The following MYO16 variants were observed in gnomAD, a reference collection of about 807,000 sequenced individuals.
The protein encoded by MYO16 is myosin XVI.
A neutral mutation model predicts 205.3 loss-of-function variants in MYO16; 94 were observed. That is an observed-to-expected ratio of 0.46 (90% confidence interval 0.39 to 0.54). The LOEUF is 0.54. Ranked by LOEUF, MYO16 falls within the 20% of genes least tolerant of loss-of-function variation. The probability of loss-of-function intolerance (pLI) is 0.00; values close to 1 mark genes in which losing one functional copy is unlikely to be tolerated. For missense variants in MYO16, 2,315 were observed against 2,387.5 expected, an observed-to-expected ratio of 0.97 and a Z score of 0.63; for synonymous variants, 988 against 954.0, an observed-to-expected ratio of 1.04 and a Z score of -0.66.
At position 109,179,753 on chromosome 13, in the gene MYO16, C is replaced by T. The variant is rs1879377399; in HGVS notation, c.5415+120C>T. The stretch of plus-strand genomic sequence containing the variant: ...GACTGGAGGGCTCAGCTGTTCTCAC[C>T]TCTGCCCTGCACTCCTTCAGCTGAA... On this transcript the variant is annotated intron_variant, in intron 34 of 34. Transcript: ENST00000457511. 2.2e-5 allele frequency: 16 copies of T among 722,624 alleles called. No homozygotes were observed. In the South Asian group the frequency reaches 2.4e-4, roughly 11 times the overall value. The allele number at this position is 722,624 out of a possible 1,614,324, so 44.8% of individuals were successfully genotyped here. A position where few individuals can be genotyped will look rare whatever the true frequency, so the allele number is the denominator to read the frequency against.
At chr13:109,131,516 C>T (rs968069019) in intron 31 of MYO16, among the ~76,000 whole-genome samples, 1 of 152,124 alleles carries the variant, frequency 6.6e-6, no homozygotes, top group South Asian at 2.1e-4. Flanking sequence ...TACCAGCAAG[C>T]TAGAGACAAC....
intron 4 of MYO16, among the ~76,000 whole-genome samples, chr13:108,731,073 G>A (rs1216739548): frequency 2.0e-5 from 3 of 152,080 alleles, no homozygotes; most frequent in Non-Finnish European, 2.9e-5. Context: ...TTAATGGCCA[G>A]TTGCCTTTAA....
intron 20 of MYO16, among the ~76,000 whole-genome samples, chr13:108,970,003 A>C (rs955176716): frequency 4.6e-5 from 7 of 152,216 alleles, no homozygotes; most frequent in Non-Finnish European, 1.5e-5. Context: ...TAATATTGAA[A>C]GGCTTCCATT....
chr13:109,132,660 T>G (rs1313879401), intron 31 of MYO16, among the ~76,000 whole-genome samples: 1 of 152,244 alleles, frequency 6.6e-6, no homozygotes, highest in Non-Finnish European at 1.5e-5. Flanking sequence ...TAGATTTGTC[T>G]GCATATTTTT....
intron 33 of MYO16, among the ~76,000 whole-genome samples, chr13:109,176,591 A>AAAAAAAAAAAAAC (rs1879196153): frequency 6.7e-6 from 1 of 148,448 alleles, no homozygotes; most frequent in East Asian, 2.0e-4. Flanking sequence ...AAAAAAAAAA[A>AAAAAAAAAAAAAC]AAAAAAAAAA....
chr13:108,747,288 C>T (rs1055876893), intron 4 of MYO16, among the ~76,000 whole-genome samples: 16 of 149,450 alleles, frequency 1.1e-4, no homozygotes, highest in African/African-American at 2.4e-5. Flanking sequence ...TTTTCTTATT[C>T]GAAATTCATC....
intron 20 of MYO16, among the ~76,000 whole-genome samples, chr13:108,982,340 A>G (rs1413802387): frequency 2.6e-5 from 4 of 152,246 alleles, no homozygotes; most frequent in Non-Finnish European, 5.9e-5. Context: ...ATAGCATCAT[A>G]TTATCTACTT....
At chr13:109,158,642 T>C (rs752470102) in intron 32 of MYO16, among the ~76,000 whole-genome samples, 6 of 152,210 alleles carry the variant, frequency 3.9e-5, no homozygotes, top group Non-Finnish European at 8.8e-5. Flanking sequence ...ATCATGTAGA[T>C]TATGGCTAGA....
At chr13:108,888,636 G>C (rs1194549966) in intron 14 of MYO16, among the ~76,000 whole-genome samples, 159 bp downstream of exon 14, 1 of 152,164 alleles carries the variant, frequency 6.6e-6, no homozygotes, top group Non-Finnish European at 1.5e-5. Context: ...AATAAATACT[G>C]TTCGAGTGAA....
intron 11 of MYO16, among the ~76,000 whole-genome samples, chr13:108,863,192 T>G (rs962611780): frequency 1.3e-5 from 2 of 152,146 alleles, no homozygotes; most frequent in African/African-American, 4.8e-5. Flanking sequence ...GTCATACCTT[T>G]TTTTCTTGCA....
chr13:109,095,255 C>T (rs574503197), intron 27 of MYO16, among the ~76,000 whole-genome samples: 1 of 152,164 alleles, frequency 6.6e-6, no homozygotes, highest in African/African-American at 2.4e-5. Flanking sequence ...ATTGAGGCGA[C>T]CTGTGTGTCT....
At chr13:108,976,818 TA>T (rs1264651092) in intron 20 of MYO16, among the ~76,000 whole-genome samples, 1 of 152,180 alleles carries the variant, frequency 6.6e-6, no homozygotes, top group Non-Finnish European at 1.5e-5. Context: ...AAAAATTCAG[TA>T]GTCAAGAAGA....
At chr13:108,762,311 G>A (rs978918285) in intron 4 of MYO16, among the ~76,000 whole-genome samples, 2 of 152,120 alleles carry the variant, frequency 1.3e-5, no homozygotes, top group Non-Finnish European at 2.9e-5. Flanking sequence ...ACACATGAGG[G>A]CAGGCATCTT....
intron 12 of MYO16, among the ~76,000 whole-genome samples, chr13:108,876,108 C>CAATG (rs5806765): frequency 0.15 from 23,294 of 151,586 alleles, 1,880 homozygotes; most frequent in East Asian, 0.3. Flanking sequence ...ATCTGCTGGA[C>CAATG]AAGCTGGACT....
At chr13:109,142,957 CA>C (rs1877171090) in intron 32 of MYO16, among the ~76,000 whole-genome samples, 1 of 151,974 alleles carries the variant, frequency 6.6e-6, no homozygotes, top group East Asian at 1.9e-4. Flanking sequence ...ATTCTTTGTT[CA>C]AAACGCCAAG....
intron 20 of MYO16, among the ~76,000 whole-genome samples, chr13:108,966,278 C>T (rs563428664): frequency 6.6e-6 from 1 of 152,238 alleles, no homozygotes; most frequent in East Asian, 1.9e-4. Context: ...TACTAATATG[C>T]TAAATCTACC....
Position 109,127,136 on chromosome 13 carries a change from G to A in MYO16, c.3783-146G>A, listed in dbSNP as rs1876291463. On this transcript the variant is annotated intron_variant, in intron 30 of 34. Coordinates refer to ENST00000457511, the MANE Select transcript of MYO16 (RefSeq NM_001198950.3). The surrounding 1 kb of genome is among the most constrained non-coding windows in gnomAD (Gnocchi z 4.2). ...TTCTCTGGACCAACTGGTCACCAGA[G>A]GGCTGCACACGTCCTCCAGCCACAG... The A allele has an allele frequency of 9.1e-6, 10 of 1,094,120 alleles. No homozygotes were observed. The highest frequency in any genetic ancestry group is 1.3e-5 in the Non-Finnish European group (10 of 792,192). 67.8% of individuals were successfully genotyped at this position (1,094,120 alleles called of 1,614,324 possible).
intron 8 of MYO16, among the ~76,000 whole-genome samples, chr13:108,822,411 G>T (rs557084667): frequency 6.6e-6 from 1 of 152,220 alleles, no homozygotes; most frequent in Admixed American, 6.6e-5. Context: ...TGGTCCTGAC[G>T]ATTGAGAAGA....
chr13:108,628,911 A>G (rs1407020922), upstream of MYO16, among the ~76,000 whole-genome samples: 3 of 152,220 alleles, frequency 2.0e-5, no homozygotes, highest in Admixed American at 1.3e-4. Context: ...TATCACTTTG[A>G]ATTTGTAAAC....
Sources: allele counts gnomAD v4.1 joint callset (sites outside exome capture counted in the v4.1 genomes callset), GRCh38; gene constraint gnomAD v4.1.1; non-coding constraint Gnocchi (gnomAD v3.1); transcripts MANE v1.5; gene names NCBI Gene and HGNC (gene_info 2026-07-23, HGNC 2026-07-21).